The following DAB1 variants were observed in gnomAD, a reference collection of about 807,000 sequenced individuals.
The protein encoded by DAB1 is DAB adaptor protein 1, also known as disabled homolog 1.
Under a neutral mutation model 64.6 loss-of-function variants are expected in DAB1, and 15 were observed. The observed-to-expected ratio is 0.23, with a 90% CI of 0.16 to 0.36. DAB1 has a LOEUF of 0.36. DAB1 is among the 10% of genes least tolerant of loss of function. The probability of loss-of-function intolerance (pLI) is 1.00; values close to 1 mark genes in which losing one functional copy is unlikely to be tolerated. For synonymous variants in DAB1, 235 were observed against 251.9 expected (o/e 0.93, Z 0.64); for missense variants, 596 against 706.7 (o/e 0.84, Z 1.78).
chr1:58,185,800 G>A (rs760124561), intron 4 of DAB1, among the ~76,000 whole-genome samples: 2 of 152,136 alleles, frequency 1.3e-5, no homozygotes, highest in African/African-American at 2.4e-5. Context: ...ATCTAAAAAC[G>A]TGTGTTCAGG....
intron 2 of DAB1, among the ~76,000 whole-genome samples, chr1:58,507,074 G>A (rs945958624): frequency 3.9e-5 from 6 of 151,900 alleles, no homozygotes; most frequent in Non-Finnish European, 7.4e-5. Context: ...TGGAGAGGGA[G>A]CAACACTTTT....
intron 2 of DAB1, among the ~76,000 whole-genome samples, chr1:57,225,083 T>C (rs1010660450): frequency 2.6e-5 from 4 of 152,192 alleles, no homozygotes; most frequent in Non-Finnish European, 5.9e-5. Flanking sequence ...CTTGCCACTC[T>C]GTGTATCTTT....
chr1:58,492,088 C>G (rs1192787816), intron 3 of DAB1, among the ~76,000 whole-genome samples: 2 of 152,134 alleles, frequency 1.3e-5, no homozygotes, highest in South Asian at 2.1e-4. Flanking sequence ...TGCAATCAAA[C>G]TAGAACTCAG....
At chr1:57,725,266 C>T (rs1647194866) in intron 6 of DAB1, among the ~76,000 whole-genome samples, 1 of 152,178 alleles carries the variant, frequency 6.6e-6, no homozygotes, top group African/African-American at 2.4e-5. Context: ...TCCCCAAATA[C>T]TTGCTTTTGG....
intron 2 of DAB1, among the ~76,000 whole-genome samples, chr1:57,161,049 G>A (rs1660696862): frequency 6.6e-6 from 1 of 152,128 alleles, no homozygotes; most frequent in African/African-American, 2.4e-5. Flanking sequence ...CTGATTCAGA[G>A]GACATTCCCT....
chr1:57,811,601 G>A (rs1470360080), intron 6 of DAB1, among the ~76,000 whole-genome samples: 8 of 152,158 alleles, frequency 5.3e-5, no homozygotes, highest in Non-Finnish European at 1.0e-4. Context: ...ATAGCAATGT[G>A]GGAATGGACG....
intron 7 of DAB1, among the ~76,000 whole-genome samples, chr1:57,464,986 A>G (rs1351516720): frequency 6.6e-6 from 1 of 152,116 alleles, no homozygotes; most frequent in Non-Finnish European, 1.5e-5. Context: ...TCAGTCTGGC[A>G]ACGTTACAAA....
At chr1:57,890,338 A>G (rs1644292700) in intron 5 of DAB1, among the ~76,000 whole-genome samples, 1 of 152,144 alleles carries the variant, frequency 6.6e-6, no homozygotes, top group Non-Finnish European at 1.5e-5. Context: ...CACTTCTGCC[A>G]CTGGGTCTGT....
At chr1:57,075,931 C>T (rs1651946360) in intron 4 of DAB1, among the ~76,000 whole-genome samples, 1 of 152,146 alleles carries the variant, frequency 6.6e-6, no homozygotes, top group South Asian at 2.1e-4. Context: ...AAGAAGAGAA[C>T]TGGGTAAGGG....
At chr1:58,076,609 C>T (rs917447338) in intron 5 of DAB1, among the ~76,000 whole-genome samples, 10 of 152,186 alleles carry the variant, frequency 6.6e-5, no homozygotes, top group Non-Finnish European at 1.3e-4. Flanking sequence ...CCCAAGGTTT[C>T]CTAATTAGTA....
intron 5 of DAB1, among the ~76,000 whole-genome samples, chr1:57,969,672 C>T (rs1416785170): frequency 1.3e-5 from 2 of 152,164 alleles, no homozygotes; most frequent in Non-Finnish European, 2.9e-5. Flanking sequence ...TGCTTCTTTA[C>T]ATATAAGATT....
rs536212094 is a variant in DAB1 at position 58,545,859 on chromosome 1, G to C, written n.32+844C>G. 2.6e-5 allele frequency among the ~76,000 whole-genome samples: 4 copies of C among 152,286 alleles called. No individual in the cohort carries two copies. In the South Asian group the frequency reaches 8.3e-4, roughly 32 times the overall value. On this transcript the variant is annotated intron_variant and non_coding_transcript_variant, in intron 1 of 20. Coordinates refer to the DAB1 transcript ENST00000485760. ...AAGCAAAGTACACACATGATGGAAG[G>C]CTTTAAAAAAGAATTGGACGGCAGC...
At chr1:57,892,509 T>C (rs1327228048) in intron 5 of DAB1, among the ~76,000 whole-genome samples, 1 of 152,228 alleles carries the variant, frequency 6.6e-6, no homozygotes, top group Non-Finnish European at 1.5e-5. Flanking sequence ...GCAAGGAAAC[T>C]GAAGCACAGA....
chr1:57,475,242 A>G lies in DAB1; in HGVS notation n.625+174350T>C, dbSNP rs1201161756. 7.2e-5 allele frequency among the ~76,000 whole-genome samples: 11 copies of G among 152,320 alleles called. No individual in the cohort carries two copies. The East Asian group carries it at 1.5e-3, about 21-fold the overall frequency. ...CAGTGAGCTGATATCATGCCACTGC[A>G]CCCCAGCCTGGGTGACAGAGCAAGA... On this transcript the variant is annotated intron_variant and non_coding_transcript_variant, in intron 7 of 20. Transcript: ENST00000485760.
At chr1:58,494,123 A>G (rs1222497890) in intron 3 of DAB1, among the ~76,000 whole-genome samples, 5 of 152,344 alleles carry the variant, frequency 3.3e-5, no homozygotes, top group African/African-American at 1.2e-4. Flanking sequence ...ACATGTCTAC[A>G]ACTATCTGAT....
intron 5 of DAB1, among the ~76,000 whole-genome samples, chr1:58,093,048 T>C (rs1202397303): frequency 6.6e-6 from 1 of 152,222 alleles, no homozygotes; most frequent in Non-Finnish European, 1.5e-5. Flanking sequence ...AAACTTCCCC[T>C]AGCCCCGAGC....
chr1:57,779,831 C>G (rs1397481766), intron 6 of DAB1, among the ~76,000 whole-genome samples: 1 of 152,094 alleles, frequency 6.6e-6, no homozygotes, highest in Non-Finnish European at 1.5e-5. Context: ...AGACAGTTCC[C>G]CCATCACACT....
intron 1 of DAB1, among the ~76,000 whole-genome samples, chr1:57,401,468 C>T (rs1683237295): frequency 6.6e-6 from 1 of 152,134 alleles, no homozygotes; most frequent in Non-Finnish European, 1.5e-5. Flanking sequence ...CTCTGATATA[C>T]AATGTCATCT....
intron 3 of DAB1, among the ~76,000 whole-genome samples, chr1:58,399,202 G>C (rs1466966164): frequency 6.6e-6 from 1 of 152,236 alleles, no homozygotes; most frequent in Admixed American, 6.5e-5. Flanking sequence ...TCTGTATAGT[G>C]CTTTGAAGTG....
Sources: allele counts gnomAD v4.1 joint callset (sites outside exome capture counted in the v4.1 genomes callset), GRCh38; gene constraint gnomAD v4.1.1; transcripts MANE v1.5; gene names NCBI Gene and HGNC (gene_info 2026-07-23, HGNC 2026-07-21).